Variants in SPINK5 observed in about 807,000 individuals in gnomAD.
SPINK5 encodes serine peptidase inhibitor Kazal type 5, also known as serine protease inhibitor Kazal-type 5.
In SPINK5, 125 loss-of-function variants were observed where a neutral mutation model predicts 151.8. That is an observed-to-expected ratio of 0.82 (90% confidence interval 0.71 to 0.96). SPINK5 has a LOEUF of 0.96. Ranked by LOEUF, SPINK5 falls within the 40% of genes least tolerant of loss-of-function variation. The pLI, the probability that SPINK5 is intolerant of heterozygous loss-of-function variation, is 0.00. For synonymous variants in SPINK5, 374 were observed against 395.3 expected, an observed-to-expected ratio of 0.95 and a Z score of 0.64; for missense variants, 1,194 against 1,291.9, an observed-to-expected ratio of 0.92 and a Z score of 1.16.
intron 12 of SPINK5, 123 bp downstream of exon 12, chr5:148,099,438 A>T: frequency 1.3e-6 from 1 of 754,274 alleles, no homozygotes; most frequent in Non-Finnish European, 2.3e-6. Context: ...CAATCTGGGG[A>T]TGGTATTGAG....
chr5:148,125,522 A>G, intron 28 of SPINK5: 1 of 1,613,294 alleles, frequency 6.2e-7, no homozygotes, highest in Non-Finnish European at 8.5e-7. Context: ...TACATTTTTC[A>G]GGACCAGTGC....
chr5:148,066,328 A>C (rs1186618560), intron 2 of SPINK5, among the ~76,000 whole-genome samples: 1 of 152,178 alleles, frequency 6.6e-6, no homozygotes, highest in Non-Finnish European at 1.5e-5. Flanking sequence ...ATTTATATAC[A>C]CACACACTGC....
At chr5:148,132,173 T>G (rs1754588514) in intron 31 of SPINK5, among the ~76,000 whole-genome samples, 1 of 152,226 alleles carries the variant, frequency 6.6e-6, no homozygotes, top group African/African-American at 2.4e-5. Context: ...AATTTTTAAA[T>G]AATTTCCCCT....
At chr5:148,065,306 T>C (rs1752550864) in intron 1 of SPINK5, 41 bp from the exon 2 acceptor site, 2 of 1,602,546 alleles carry the variant, frequency 1.2e-6, no homozygotes, top group East Asian at 4.5e-5. Flanking sequence ...TATTAAATAT[T>C]TTACATTTCC....
intron 15 of SPINK5, among the ~76,000 whole-genome samples, chr5:148,103,181 G>T (rs1045926206): frequency 2.6e-5 from 4 of 152,118 alleles, no homozygotes; most frequent in African/African-American, 9.7e-5. Context: ...ACAAACGTTT[G>T]TTGAACGCAT....
chr5:148,076,092 A>C (rs1295174527), intron 4 of SPINK5, among the ~76,000 whole-genome samples: 1 of 151,758 alleles, frequency 6.6e-6, no homozygotes, highest in Non-Finnish European at 1.5e-5. Context: ...TAAACACAAA[A>C]TGTCCCAGTG....
At chr5:148,085,919 A>G (rs1753141365) in intron 4 of SPINK5, among the ~76,000 whole-genome samples, 1 of 151,934 alleles carries the variant, frequency 6.6e-6, no homozygotes, top group African/African-American at 2.4e-5. Flanking sequence ...ACACTAAAGC[A>G]TAGAGGTGTT....
chr5:148,120,306 C>T lies in SPINK5; in HGVS notation c.2453C>T (p.Ala818Val). 6.2e-7 allele frequency: 1 copy of T among 1,601,932 alleles called. No individual in the cohort carries two copies. Among genetic ancestry groups the T allele is most frequent in the Non-Finnish European group, 8.5e-7 (1 of 1,174,226 alleles). ...TMCKEKLERE[A>V]AEKKKKEDED... is the part of the protein sequence containing the mutation. Reference sequence around the variant, plus strand: ...TGTTTTCCCCCCAGGGAAAGGGAAGCAGCTGAAAAAAAAAAGAAAGAGGAT... The same window carrying T: ...TGTTTTCCCCCCAGGGAAAGGGAAGTAGCTGAAAAAAAAAAGAAAGAGGAT... The change falls in exon 26 of 33, where the codon GCA becomes GTA. Residue 818 changes from alanine (A) to valine (V), a missense_variant. Ala to Val is a moderately conservative substitution (Grantham distance 64). Coordinates refer to ENST00000256084, the MANE Select transcript of SPINK5 (RefSeq NM_006846.4).
intron 21 of SPINK5, among the ~76,000 whole-genome samples, chr5:148,115,016 A>T (rs952414071): frequency 6.6e-6 from 1 of 152,228 alleles, no homozygotes; most frequent in African/African-American, 2.4e-5. Flanking sequence ...TGAAATAGAT[A>T]ATCTTCTCAG....
intron 26 of SPINK5, among the ~76,000 whole-genome samples, chr5:148,123,511 CAATATATGTGTATATATATATATATATA>C (rs1561703846): frequency 1.9e-5 from 1 of 53,434 alleles, no homozygotes; most frequent in Middle Eastern, 7.8e-3. Context: ...TGCAGTGGTG[CAATATATGTGTATATATATATATATATA>C]TATATATATA....
intron 21 of SPINK5, among the ~76,000 whole-genome samples, chr5:148,115,267 A>C (rs1754054663): frequency 6.6e-6 from 1 of 152,204 alleles, no homozygotes; most frequent in African/African-American, 2.4e-5. Context: ...TTAGGAAAAA[A>C]ACAAGTCATT....
At chr5:148,101,930 T>C (rs1404130548) in intron 15 of SPINK5, 22 bp downstream of exon 15, 1 of 1,612,950 alleles carries the variant, frequency 6.2e-7, no homozygotes, top group African/African-American at 1.3e-5. Flanking sequence ...AGTAGCCCCA[T>C]AGCGTCTGAG....
At chr5:148,087,570 C>T (rs1169088430) in intron 5 of SPINK5, among the ~76,000 whole-genome samples, 4 of 151,568 alleles carry the variant, frequency 2.6e-5, no homozygotes, top group Admixed American at 6.6e-5. Flanking sequence ...ATAGAGAAAC[C>T]GAAAACAAAC....
At chr5:148,072,778 C>G (rs1195377801) in intron 4 of SPINK5, among the ~76,000 whole-genome samples, 1 of 151,160 alleles carries the variant, frequency 6.6e-6, no homozygotes, top group African/African-American at 2.4e-5. Flanking sequence ...CTGGAGGGTC[C>G]TCCTAATTCA....
In SPINK5 at chr5:148,116,471, G is replaced by A. The variant is rs1475149759; in HGVS notation, c.2112+5G>A. On this transcript the variant is annotated splice_donor_5th_base_variant and intron_variant, in intron 22 of 32. Coordinates refer to ENST00000256084, the MANE Select transcript of SPINK5 (RefSeq NM_006846.4). ...GGTGGAGGAGGAAACACTCAGGTGA[G>A]AGCAACCTCTAATTTCAGTAACTGG... The A allele has an allele frequency of 2.5e-6, 4 of 1,613,858 alleles. No individual in the cohort carries two copies. Among genetic ancestry groups the A allele is most frequent in the Non-Finnish European group, 3.4e-6 (4 of 1,179,864 alleles).
chr5:148,128,690 A>T (rs1359871315), intron 30 of SPINK5, among the ~76,000 whole-genome samples: 1 of 151,908 alleles, frequency 6.6e-6, no homozygotes, highest in African/African-American at 2.4e-5. Context: ...CACCACGCTA[A>T]TTTTTTGTAT....
intron 11 of SPINK5, among the ~76,000 whole-genome samples, chr5:148,098,953 T>C (rs1195399941): frequency 6.6e-6 from 1 of 152,084 alleles, no homozygotes; most frequent in Non-Finnish European, 1.5e-5. Flanking sequence ...ACATTGATCA[T>C]GCTCCTTTTC....
At chr5:148,081,808 T>C (rs553884106) in intron 4 of SPINK5, among the ~76,000 whole-genome samples, 1 of 151,770 alleles carries the variant, frequency 6.6e-6, no homozygotes, top group African/African-American at 2.4e-5. Context: ...TTTCAGTTCA[T>C]ATGATTGTAA....
intron 19 of SPINK5, 145 bp from the exon 20 acceptor site, chr5:148,112,723 G>GA: frequency 1.5e-6 from 2 of 1,302,734 alleles, no homozygotes; most frequent in East Asian, 2.5e-5. Context: ...ATGATGTAGA[G>GA]AGATGTGTGT....
Sources: gnomAD v4.1 joint callset for allele counts (sites outside exome capture counted in the v4.1 genomes callset) on GRCh38, gnomAD v4.1.1 for gene constraint, MANE v1.5 for transcripts, NCBI Gene and HGNC (gene_info 2026-07-23, HGNC 2026-07-21) for gene names.